The following EXOC4 variants were observed in gnomAD, a reference collection of about 807,000 sequenced individuals.
The protein encoded by EXOC4 is exocyst complex component 4.
In EXOC4, 71 loss-of-function variants were observed where a neutral mutation model predicts 107.2. The ratio of observed to expected loss-of-function variants is 0.66; its 90% CI spans 0.55 to 0.81. The LOEUF (loss-of-function observed/expected upper bound fraction) is 0.81, where lower values mean the gene tolerates loss of function less well. Ranked by LOEUF, EXOC4 falls within the 30% of genes least tolerant of loss-of-function variation. EXOC4 has a pLI of 0.00. For synonymous variants in EXOC4, 456 were observed against 441.2 expected, an observed-to-expected ratio of 1.03 and a Z score of -0.42; for missense variants, 1,108 against 1,189.6, an observed-to-expected ratio of 0.93 and a Z score of 1.01.
intron 10 of EXOC4, among the ~76,000 whole-genome samples, chr7:133,672,764 G>A (rs1793975614): frequency 6.6e-6 from 1 of 152,168 alleles, no homozygotes; most frequent in South Asian, 2.1e-4. Context: ...TAATGAGAAT[G>A]ATGAAATGTA....
intron 14 of EXOC4, among the ~76,000 whole-genome samples, chr7:133,957,298 C>G (rs1275881199): frequency 6.6e-6 from 1 of 152,144 alleles, no homozygotes; most frequent in Non-Finnish European, 1.5e-5. Context: ...CTAAGTGACC[C>G]TGAATAGTTC....
chr7:133,349,327 C>T (rs182962328), intron 5 of EXOC4, among the ~76,000 whole-genome samples: 203 of 152,212 alleles, frequency 1.3e-3, no homozygotes, highest in Non-Finnish European at 2.3e-3. Context: ...TACCCCTCTT[C>T]TCCCAGCTCT....
chr7:133,926,677 A>G (rs1226317944), intron 13 of EXOC4, among the ~76,000 whole-genome samples: 1 of 152,186 alleles, frequency 6.6e-6, no homozygotes, highest in Non-Finnish European at 1.5e-5. Context: ...AAGATGGGGG[A>G]ATGAAACATA....
At chr7:133,328,394 G>C (rs886756836) in intron 5 of EXOC4, among the ~76,000 whole-genome samples, 1 of 152,070 alleles carries the variant, frequency 6.6e-6, no homozygotes, top group East Asian at 1.9e-4. Context: ...TTGCCAGTTT[G>C]TGCCTTTTAA....
At chr7:133,741,767 C>G (rs903971151) in intron 10 of EXOC4, among the ~76,000 whole-genome samples, 7 of 152,128 alleles carry the variant, frequency 4.6e-5, no homozygotes, top group Non-Finnish European at 1.0e-4. Context: ...ATGTTTGAAA[C>G]CCATATTATG....
chr7:133,517,879 T>C (rs1799909324), intron 9 of EXOC4, among the ~76,000 whole-genome samples: 1 of 152,164 alleles, frequency 6.6e-6, no homozygotes, highest in Non-Finnish European at 1.5e-5. Context: ...ATATATCAGT[T>C]AGCTTTTACT....
intron 7 of EXOC4, among the ~76,000 whole-genome samples, chr7:133,408,817 C>T (rs1043090348): frequency 2.6e-5 from 4 of 152,142 alleles, no homozygotes; most frequent in Non-Finnish European, 5.9e-5. Flanking sequence ...TGTATTTTCA[C>T]AGAATAATGA....
At chr7:133,985,606 C>T (rs1335844249) in intron 14 of EXOC4, among the ~76,000 whole-genome samples, 4 of 152,182 alleles carry the variant, frequency 2.6e-5, no homozygotes, top group African/African-American at 7.2e-5. Context: ...TTGTCTTTCT[C>T]GTAAGACTCT....
intron 9 of EXOC4, among the ~76,000 whole-genome samples, chr7:133,537,877 G>A (rs1800304372): frequency 6.6e-6 from 1 of 152,096 alleles, no homozygotes; most frequent in Admixed American, 6.5e-5. Flanking sequence ...TTGAAGATGG[G>A]GTTGTAAAGA....
At chr7:133,826,881 C>T (rs1403408575) in intron 11 of EXOC4, among the ~76,000 whole-genome samples, 1 of 152,064 alleles carries the variant, frequency 6.6e-6, no homozygotes, top group East Asian at 1.9e-4. Flanking sequence ...ACTCACCACC[C>T]GGATTCTAAC....
intron 14 of EXOC4, among the ~76,000 whole-genome samples, chr7:133,943,993 G>A (rs960262300): frequency 1.3e-5 from 2 of 152,098 alleles, no homozygotes; most frequent in East Asian, 3.9e-4. Context: ...TAAAAATTTT[G>A]TTGTATAATA....
intron 14 of EXOC4, among the ~76,000 whole-genome samples, chr7:133,982,152 C>A (rs778442102): frequency 2.0e-5 from 3 of 152,144 alleles, no homozygotes; most frequent in Non-Finnish European, 4.4e-5. Context: ...GGTATTAGGC[C>A]TATGCCTGGG....
intron 9 of EXOC4, among the ~76,000 whole-genome samples, chr7:133,527,680 G>A (rs1401708501): frequency 2.0e-5 from 3 of 152,064 alleles, no homozygotes; most frequent in Non-Finnish European, 4.4e-5. Flanking sequence ...GTAGGTTTCG[G>A]TTCATTTTGT....
intron 9 of EXOC4, among the ~76,000 whole-genome samples, chr7:133,486,495 C>T (rs1799272577): frequency 6.6e-6 from 1 of 152,080 alleles, no homozygotes; most frequent in African/African-American, 2.4e-5. Context: ...ATTTGTTCTG[C>T]AGCCTTAAAT....
In EXOC4 at chr7:134,018,776, A is replaced by T. The variant is rs542968468; in HGVS notation, c.2687+10941A>T. 6.6e-5 allele frequency among the ~76,000 whole-genome samples: 10 copies of T among 151,482 alleles called. No homozygotes were observed. In the East Asian group the frequency reaches 1.9e-3, roughly 29 times the overall value. On this transcript the variant is annotated intron_variant, in intron 17 of 17. Coordinates refer to ENST00000253861, the MANE Select transcript of EXOC4 (RefSeq NM_021807.4). ...AAAGTTCTTGTGACTAGTTACCATGATTGTATTTTGTTTATTTGGTTTCTG... is the reference window on the plus strand; with the variant it reads ...AAAGTTCTTGTGACTAGTTACCATGTTTGTATTTTGTTTATTTGGTTTCTG...
intron 14 of EXOC4, among the ~76,000 whole-genome samples, chr7:133,944,756 T>C (rs546809748): frequency 4.6e-5 from 7 of 152,296 alleles, no homozygotes; most frequent in Non-Finnish European, 4.4e-5. Flanking sequence ...GATTATAATC[T>C]TGTGGGTCTG....
intron 14 of EXOC4, among the ~76,000 whole-genome samples, chr7:133,939,332 C>T (rs1280697007): frequency 6.6e-6 from 1 of 152,046 alleles, no homozygotes; most frequent in Non-Finnish European, 1.5e-5. Flanking sequence ...CGCTTATCCT[C>T]TAAGAGTCTA....
intron 10 of EXOC4, among the ~76,000 whole-genome samples, chr7:133,669,265 A>T (rs1793892758): frequency 1.3e-5 from 2 of 151,824 alleles, no homozygotes; most frequent in African/African-American, 2.4e-5. Context: ...GAGCCGCGGG[A>T]TGTAAGGAAA....
chr7:133,517,948 TG>T (rs1799910345), intron 9 of EXOC4, among the ~76,000 whole-genome samples: 1 of 152,056 alleles, frequency 6.6e-6, no homozygotes, highest in Non-Finnish European at 1.5e-5. Flanking sequence ...TATTGTTCAT[TG>T]GTCTGGGACT....
Sources: gnomAD v4.1 joint callset for allele counts (sites outside exome capture counted in the v4.1 genomes callset) on GRCh38, gnomAD v4.1.1 for gene constraint, MANE v1.5 for transcripts, NCBI Gene and HGNC (gene_info 2026-07-23, HGNC 2026-07-21) for gene names.